Variants in ARHGEF3 observed in about 807,000 individuals in gnomAD.
ARHGEF3 encodes Rho guanine nucleotide exchange factor 3.
A neutral mutation model predicts 63.2 loss-of-function variants in ARHGEF3; 28 were observed. The observed-to-expected ratio is 0.44, with a 90% CI of 0.33 to 0.61. The LOEUF is 0.61. Ranked by LOEUF, ARHGEF3 falls within the 20% of genes least tolerant of loss-of-function variation. The probability of loss-of-function intolerance (pLI) is 0.03; values close to 1 mark genes in which losing one functional copy is unlikely to be tolerated. For synonymous variants in ARHGEF3, 266 were observed against 254.2 expected, an observed-to-expected ratio of 1.05 and a Z score of -0.44; for missense variants, 533 against 659.3, an observed-to-expected ratio of 0.81 and a Z score of 2.10.
intron 2 of ARHGEF3, among the ~76,000 whole-genome samples, chr3:56,973,916 T>C (rs183479102): frequency 9.5e-4 from 145 of 152,228 alleles, no homozygotes; most frequent in Non-Finnish European, 1.7e-3. Flanking sequence ...CGAAAGCCTG[T>C]CTCTACAAAA....
chr3:56,767,929 G>T (rs1405329708), intron 2 of ARHGEF3, among the ~76,000 whole-genome samples: 1 of 151,792 alleles, frequency 6.6e-6, no homozygotes, highest in Non-Finnish European at 1.5e-5. Context: ...GTGTTTTTTG[G>T]TAGAGACGGG....
At chr3:56,828,938 T>C (rs1180383891) in intron 4 of ARHGEF3, among the ~76,000 whole-genome samples, 1 of 152,192 alleles carries the variant, frequency 6.6e-6, no homozygotes, top group Admixed American at 6.5e-5. Context: ...ATTATTATTA[T>C]TTTTTTGAGA....
intron 1 of ARHGEF3, among the ~76,000 whole-genome samples, chr3:57,068,388 A>G (rs944562662): frequency 1.3e-5 from 2 of 152,240 alleles, no homozygotes; most frequent in Non-Finnish European, 2.9e-5. Flanking sequence ...TAACACATTT[A>G]TCAATGCTGC....
rs139417037 is a variant in ARHGEF3, at chr3:57,073,869, G to A, written c.-28+5357C>T. On this transcript the variant is annotated intron_variant, in intron 1 of 12. Transcript: ENST00000338458. ...ACTGGCATCATGCCAGGGTCCAGGT[G>A]TCCTGCCAGGAGCAGCCTCTGCCCT... The A allele has an allele frequency of 9.3e-6, 15 of 1,614,196 alleles. No individual in the cohort carries two copies. The African/African-American group carries it at 1.7e-4, about 19-fold the overall frequency.
intron 4 of ARHGEF3, 89 bp from the exon 5 acceptor site, chr3:56,751,485 C>A: frequency 9.3e-7 from 1 of 1,071,022 alleles, no homozygotes; most frequent in Non-Finnish European, 1.4e-6. Context: ...AGGTCCTATC[C>A]AATAACAAAA....
chr3:56,832,997 A>G (rs1271160024), intron 4 of ARHGEF3, among the ~76,000 whole-genome samples: 2 of 152,120 alleles, frequency 1.3e-5, no homozygotes, highest in Non-Finnish European at 2.9e-5. Flanking sequence ...CCTTGTTTGG[A>G]TATACTATTT....
chr3:56,745,042 T>G (rs2034290931), intron 7 of ARHGEF3, among the ~76,000 whole-genome samples, 163 bp downstream of exon 7: 1 of 152,084 alleles, frequency 6.6e-6, no homozygotes, highest in Non-Finnish European at 1.5e-5. Flanking sequence ...AGATGAGAAG[T>G]GACTTGCAAA....
At chr3:56,779,516 G>C (rs1008278103) in intron 1 of ARHGEF3, among the ~76,000 whole-genome samples, 1 of 151,448 alleles carries the variant, frequency 6.6e-6, no homozygotes, top group African/African-American at 2.4e-5. Context: ...TTTTTGAGAC[G>C]GAGTCTCGCT....
intron 3 of ARHGEF3, among the ~76,000 whole-genome samples, chr3:56,929,144 A>G (rs1480872711): frequency 6.6e-6 from 1 of 152,194 alleles, no homozygotes; most frequent in Non-Finnish European, 1.5e-5. Context: ...GGATTGGGGA[A>G]GAAGGGTCTA....
At chr3:56,858,618 G>T (rs569676500) in intron 4 of ARHGEF3, among the ~76,000 whole-genome samples, 32 of 152,348 alleles carry the variant, frequency 2.1e-4, no homozygotes, top group African/African-American at 6.5e-4. Context: ...CACTTGCGGG[G>T]AGGGCAAGGC....
At chr3:56,858,984 G>A (rs1485339898) in intron 4 of ARHGEF3, among the ~76,000 whole-genome samples, 2 of 152,020 alleles carry the variant, frequency 1.3e-5, no homozygotes, top group Admixed American at 1.3e-4. Context: ...TTTAAATGGC[G>A]AAGACAAAAA....
chr3:57,036,699 A>C (rs1303047615), intron 1 of ARHGEF3, among the ~76,000 whole-genome samples: 1 of 152,154 alleles, frequency 6.6e-6, no homozygotes, highest in East Asian at 1.9e-4. Flanking sequence ...GATCATACTG[A>C]GGGATAGTGT....
rs1560156239 is a variant in ARHGEF3, at chr3:57,042,686, A to ATT, written c.-27-7511_-27-7510insAA. Reference sequence around the variant, plus strand: ...TATATATATATATATATATATATATATATATATATATATATTTTTTTTTTT... The same window carrying ATT: ...TATATATATATATATATATATATATATTTATATATATATATATTTTTTTTTTT... On this transcript the variant is annotated intron_variant, in intron 1 of 12. Coordinates refer to the ARHGEF3 transcript ENST00000338458. 2.0e-3 allele frequency among the ~76,000 whole-genome samples: 15 copies of ATT among 7,658 alleles called. No homozygotes were observed. The East Asian group carries it at 0.028, about 14-fold the overall frequency. 5.0% of individuals were successfully genotyped at this position (7,658 alleles called of 152,430 possible).
intron 2 of ARHGEF3, among the ~76,000 whole-genome samples, chr3:56,965,671 C>T (rs911884150): frequency 5.9e-4 from 63 of 107,270 alleles, no homozygotes; most frequent in African/African-American, 1.8e-3. Flanking sequence ...TTTTTTGAAA[C>T]GGAGTCTCGC....
At chr3:57,013,193 C>T (rs974686825) in intron 2 of ARHGEF3, among the ~76,000 whole-genome samples, 2 of 152,304 alleles carry the variant, frequency 1.3e-5, no homozygotes, top group Admixed American at 1.3e-4. Flanking sequence ...CCCAGACAGG[C>T]ACTGCCCCCT....
At chr3:57,072,530 CAG>C (rs1399410090) in intron 1 of ARHGEF3, among the ~76,000 whole-genome samples, 6 of 151,456 alleles carry the variant, frequency 4.0e-5, no homozygotes, top group African/African-American at 1.5e-4. Context: ...TGCTTGAGCT[CAG>C]GGGTTCAAGA....
intron 2 of ARHGEF3, among the ~76,000 whole-genome samples, chr3:56,980,420 A>G (rs1701281818): frequency 1.3e-5 from 2 of 152,224 alleles, no homozygotes; most frequent in African/African-American, 4.8e-5. Context: ...GGGGACTCAA[A>G]GTACAGTTTC....
In ARHGEF3 at chr3:56,941,330, C is replaced by A. The variant is rs574996621; in HGVS notation, c.129+17493G>T. On this transcript the variant is annotated intron_variant, in intron 3 of 12. Transcript: ENST00000338458. ...TCAAGCAATTCTCCTGCCTCAGGCT[C>A]CCAAGCAGCTGGGGTCCCAGGAGTG... Among the ~76,000 whole-genome samples the A allele has an allele frequency of 5.9e-5, 9 of 152,330 alleles. No homozygotes were observed. The East Asian group carries it at 1.7e-3, about 29-fold the overall frequency.
intron 4 of ARHGEF3, among the ~76,000 whole-genome samples, chr3:56,849,240 A>G (rs1341525464): frequency 6.6e-6 from 1 of 152,238 alleles, no homozygotes. Context: ...GTCTTTTACC[A>G]GGAACTTACA....
Sources: allele counts gnomAD v4.1 joint callset (sites outside exome capture counted in the v4.1 genomes callset), GRCh38; gene constraint gnomAD v4.1.1; transcripts MANE v1.5; gene names NCBI Gene and HGNC (gene_info 2026-07-23, HGNC 2026-07-21).